BNC2: variants seen among roughly 807,000 people sequenced by gnomAD.
BNC2 encodes the protein basonuclin zinc finger protein 2, also known as zinc finger protein basonuclin-2.
In BNC2, 20 loss-of-function variants were observed where a neutral mutation model predicts 76.3. The ratio of observed to expected loss-of-function variants is 0.26; its 90% confidence interval spans 0.18 to 0.38. BNC2 has a LOEUF of 0.38. BNC2 is among the 10% of genes least tolerant of loss of function. BNC2 has a pLI of 1.00. For synonymous variants in BNC2, 582 were observed against 514.8 expected (o/e 1.13, Z -1.77); for missense variants, 1,382 against 1,399.8 (o/e 0.99, Z 0.20).
intron 5 of BNC2, among the ~76,000 whole-genome samples, chr9:16,539,700 A>AAAAG (rs1818250062): frequency 8.7e-6 from 1 of 114,674 alleles, no homozygotes; most frequent in African/African-American, 4.5e-5. Context: ...GGGAGAAAGG[A>AAAAG]AGGGAGGAAG....
At chr9:16,470,474 G>A (rs1295433346) in intron 5 of BNC2, among the ~76,000 whole-genome samples, 1 of 152,204 alleles carries the variant, frequency 6.6e-6, no homozygotes, top group Non-Finnish European at 1.5e-5. Context: ...ATGTCTCCAT[G>A]CCATGTCAGA....
rs1190806762 is a variant in BNC2, at chr9:16,413,360, T to G, written c.*5629A>C. 2 of 151,230 alleles carry G rather than the reference T, an allele frequency of 1.3e-5. No individual in the cohort carries two copies. The highest frequency in any genetic ancestry group is 4.9e-5 in the African/African-American group (2 of 41,230). 9.4% of individuals were successfully genotyped at this position (151,230 alleles called of 1,614,324 possible). The stretch of plus-strand genomic sequence containing the variant: ...GTGTACATGTAAAAATGCTTAGTTT[T>G]TTTTTTTTTTTTAACCTCCTGTTAT... On this transcript the variant is annotated 3_prime_UTR_variant, in exon 7 of 7. Transcript: ENST00000380672.
intron 1 of BNC2, among the ~76,000 whole-genome samples, chr9:16,767,408 C>T (rs917770209): frequency 2.6e-5 from 4 of 152,248 alleles, no homozygotes; most frequent in African/African-American, 7.2e-5. Context: ...CCCCTAAGGG[C>T]GGTACATGCT....
intron 1 of BNC2, among the ~76,000 whole-genome samples, chr9:16,780,222 C>T (rs187109671): frequency 0.037 from 2,920 of 78,284 alleles, 118 homozygotes; most frequent in African/African-American, 0.13. Context: ...GGTGACAGAG[C>T]AAGACTTCGT....
chr9:16,436,251 T>A lies in BNC2; in HGVS notation c.1943A>T (p.Asp648Val). The A allele has an allele frequency of 6.2e-7, 1 of 1,614,136 alleles. No individual in the cohort carries two copies. Among genetic ancestry groups the A allele is most frequent in the African/African-American group, 1.3e-5 (1 of 75,022 alleles). The change falls in exon 6 of 7, where the codon GAT (aspartate) becomes GTT (valine). Residue 648 changes from aspartate (D) to valine (V), a missense_variant. This residue lies in a region of BNC2 where 798 missense variants were observed against 775.5 expected (regional missense o/e 1.03). Transcript: ENST00000380672. ...TTCATCATCAAACTCATCGGCGGTA[T>A]CAATAATTTCCTTCTCAATCTTCAC... is the stretch of plus-strand genomic sequence containing the variant. Reference protein sequence around the residue: ...MPVKIEKEIIDTADEFDDEDD... With the variant: ...MPVKIEKEIIVTADEFDDEDD...
intron 3 of BNC2, among the ~76,000 whole-genome samples, chr9:16,721,019 T>A (rs1824140453): frequency 6.6e-6 from 1 of 152,170 alleles, no homozygotes; most frequent in Non-Finnish European, 1.5e-5. Flanking sequence ...TAATCAATAC[T>A]TTTATTTTTC....
In BNC2 at chr9:16,411,245, G is replaced by C. The variant is rs1262236152; in HGVS notation, c.*7744C>G. 6.6e-6 allele frequency: 1 copy of C among 152,596 alleles called. No homozygotes were observed. The highest frequency in any genetic ancestry group is 2.4e-5 in the African/African-American group (1 of 41,434). The allele number at this position is 152,596 out of a possible 1,614,324, so 9.5% of individuals were successfully genotyped here. A position where few individuals can be genotyped will look rare whatever the true frequency, so the allele number is the denominator to read the frequency against. ...TTGATGGATTTGCCATCTTAGCTGT[G>C]CATTATCTCAACATCACATTTGGCA... On this transcript the variant is annotated 3_prime_UTR_variant, in exon 7 of 7. Coordinates refer to ENST00000380672, the MANE Select transcript of BNC2 (RefSeq NM_017637.6).
chr9:16,475,187 C>A (rs1821902832), intron 5 of BNC2, among the ~76,000 whole-genome samples: 1 of 152,148 alleles, frequency 6.6e-6, no homozygotes, highest in Non-Finnish European at 1.5e-5. Context: ...TTTTTCCAAG[C>A]CATAATGTTA....
At chr9:16,619,183 T>C (rs1231636779) in intron 3 of BNC2, among the ~76,000 whole-genome samples, 2 of 152,122 alleles carry the variant, frequency 1.3e-5, no homozygotes, top group Admixed American at 6.6e-5. Context: ...AAGGGAAACA[T>C]GAAGCCAAAA....
intron 1 of BNC2, among the ~76,000 whole-genome samples, chr9:16,870,445 G>T (rs745911391): frequency 9.2e-5 from 14 of 152,092 alleles, no homozygotes; most frequent in Admixed American, 3.3e-4. Context: ...CCAAGTTTAG[G>T]GGAGGCCACT....
At chr9:16,760,905 G>A (rs915883203) in intron 1 of BNC2, among the ~76,000 whole-genome samples, 1 of 152,044 alleles carries the variant, frequency 6.6e-6, no homozygotes, top group African/African-American at 2.4e-5. Context: ...AAGAAAAGTA[G>A]GTAACAATGA....
At chr9:16,549,892 G>A (rs1014158977) in intron 5 of BNC2, among the ~76,000 whole-genome samples, 2 of 151,910 alleles carry the variant, frequency 1.3e-5, no homozygotes, top group African/African-American at 4.8e-5. Flanking sequence ...ACTAAACCTA[G>A]AACTCCTCTA....
intron 3 of BNC2, among the ~76,000 whole-genome samples, chr9:16,692,290 T>C (rs1823196583): frequency 1.3e-5 from 2 of 152,164 alleles, no homozygotes. Context: ...CCAGGTTAAC[T>C]TACTTTCTAT....
chr9:16,762,720 C>A (rs542111853), intron 1 of BNC2, among the ~76,000 whole-genome samples: 7 of 152,262 alleles, frequency 4.6e-5, no homozygotes, highest in Middle Eastern at 6.8e-3. Flanking sequence ...ATAACCTGAC[C>A]GCTTAAGGTC....
chr9:16,483,765 C>A (rs138417557), intron 5 of BNC2, among the ~76,000 whole-genome samples: 1 of 152,216 alleles, frequency 6.6e-6, no homozygotes, highest in East Asian at 1.9e-4. Flanking sequence ...AGGCAAGCTG[C>A]CCTTGTATAA....
At chr9:16,481,513 A>T (rs1822055797) in intron 5 of BNC2, among the ~76,000 whole-genome samples, 1 of 152,154 alleles carries the variant, frequency 6.6e-6, no homozygotes, top group Non-Finnish European at 1.5e-5. Context: ...CGAACATCAG[A>T]AAGAACTCCA....
chr9:16,460,686 C>T (rs1038038032), intron 5 of BNC2, among the ~76,000 whole-genome samples: 8 of 152,052 alleles, frequency 5.3e-5, no homozygotes, highest in South Asian at 2.1e-4. Flanking sequence ...AGTCACAGAG[C>T]GGTGCTTCAA....
intron 1 of BNC2, among the ~76,000 whole-genome samples, chr9:16,809,787 A>G (rs979004642): frequency 6.6e-6 from 1 of 152,160 alleles, no homozygotes; most frequent in Non-Finnish European, 1.5e-5. Context: ...AAAAACACAA[A>G]AAAAGAAAAC....
intron 1 of BNC2, among the ~76,000 whole-genome samples, chr9:16,781,366 G>A (rs1217750391): frequency 1.3e-5 from 2 of 151,984 alleles, no homozygotes; most frequent in Non-Finnish European, 2.9e-5. Context: ...TTTTTAAGAT[G>A]GAGTCTCGCT....
Sources: allele counts gnomAD v4.1 joint callset (sites outside exome capture counted in the v4.1 genomes callset), GRCh38; gene constraint gnomAD v4.1.1; regional missense constraint gnomAD v4.1.1; transcripts MANE v1.5; gene names NCBI Gene and HGNC (gene_info 2026-07-23, HGNC 2026-07-21).